ELMO1: variants seen among roughly 807,000 people sequenced by gnomAD.
ELMO1 encodes engulfment and cell motility 1.
In ELMO1, 26 loss-of-function variants were observed where a neutral mutation model predicts 98.9. The observed-to-expected ratio is 0.26, with a 90% confidence interval of 0.19 to 0.36. The LOEUF (loss-of-function observed/expected upper bound fraction) is 0.36, where lower values mean the gene tolerates loss of function less well. Among genes scored for constraint, ELMO1 ranks in the 10% least tolerant of loss-of-function variants. The pLI, the probability that ELMO1 is intolerant of heterozygous loss-of-function variation, is 1.00. For synonymous variants in ELMO1, 346 were observed against 346.0 expected, an observed-to-expected ratio of 1.00 and a Z score of 0.00; for missense variants, 627 against 935.2, an observed-to-expected ratio of 0.67 and a Z score of 4.30.
intron 14 of ELMO1, among the ~76,000 whole-genome samples, chr7:37,097,550 C>T (rs1784426124): frequency 6.6e-6 from 1 of 150,868 alleles, no homozygotes; most frequent in African/African-American, 2.4e-5. Flanking sequence ...TGCCACTGCA[C>T]TCCAGCCTGA....
At chr7:37,349,724 G>A (rs1198391154) in intron 1 of ELMO1, among the ~76,000 whole-genome samples, 1 of 152,170 alleles carries the variant, frequency 6.6e-6, no homozygotes. Context: ...CAAGTGCTGG[G>A]ATTATAGGCG....
intron 14 of ELMO1, among the ~76,000 whole-genome samples, chr7:37,129,252 A>G (rs1786738406): frequency 1.5e-5 from 2 of 133,304 alleles, no homozygotes; most frequent in African/African-American, 3.7e-5. Flanking sequence ...AGCACTCGGA[A>G]CTCTTTAGGA....
chr7:36,904,404 G>A (rs1562811844), intron 16 of ELMO1, among the ~76,000 whole-genome samples: 1 of 152,198 alleles, frequency 6.6e-6, no homozygotes. Flanking sequence ...GCGGTGCTCA[G>A]GCAGCTTCAA....
chr7:37,175,763 C>T (rs1187475674), intron 13 of ELMO1, among the ~76,000 whole-genome samples: 5 of 152,184 alleles, frequency 3.3e-5, no homozygotes, highest in African/African-American at 4.8e-5. Context: ...ACCAGAATCA[C>T]TTGAACCCAG....
chr7:37,250,659 G>A (rs1795293260), intron 6 of ELMO1, among the ~76,000 whole-genome samples: 1 of 152,028 alleles, frequency 6.6e-6, no homozygotes, highest in Non-Finnish European at 1.5e-5. Context: ...GGGTGTGGTG[G>A]CAGGTGCCTG....
chr7:37,131,149 T>A (rs1331794713), intron 14 of ELMO1, among the ~76,000 whole-genome samples: 1 of 152,134 alleles, frequency 6.6e-6, no homozygotes, highest in East Asian at 1.9e-4. Flanking sequence ...ACTAACCCCA[T>A]GCATTCACAT....
intron 1 of ELMO1, among the ~76,000 whole-genome samples, chr7:37,438,431 CAAAAAAAAA>C (rs543852959): frequency 8.2e-5 from 10 of 122,564 alleles, no homozygotes; most frequent in Non-Finnish European, 1.4e-4. Context: ...ACTAAAAATA[CAAAAAAAAA>C]AAAAAAAAAA....
intron 5 of ELMO1, among the ~76,000 whole-genome samples, chr7:37,267,279 G>A (rs1796313972): frequency 1.3e-5 from 2 of 152,052 alleles, no homozygotes; most frequent in East Asian, 3.9e-4. Context: ...CATACTTTAG[G>A]GATACCTCCT....
At chr7:37,347,872 G>A (rs1801084879) in intron 1 of ELMO1, among the ~76,000 whole-genome samples, 1 of 152,152 alleles carries the variant, frequency 6.6e-6, no homozygotes, top group Admixed American at 6.5e-5. Flanking sequence ...GGAAAGATCA[G>A]CACACAAGCC....
intron 16 of ELMO1, among the ~76,000 whole-genome samples, chr7:36,947,503 C>T (rs1214455470): frequency 6.6e-6 from 1 of 152,150 alleles, no homozygotes; most frequent in Non-Finnish European, 1.5e-5. Context: ...ACCACATTCC[C>T]AATCTGGGCC....
At chr7:37,354,988 C>A (rs1337696909) in intron 1 of ELMO1, among the ~76,000 whole-genome samples, 1 of 152,242 alleles carries the variant, frequency 6.6e-6, no homozygotes, top group South Asian at 2.1e-4. Flanking sequence ...GGCTGTGCCT[C>A]CACTGGGTTT....
chr7:37,041,680 G>C (rs960763652), intron 15 of ELMO1, among the ~76,000 whole-genome samples: 2 of 151,916 alleles, frequency 1.3e-5, no homozygotes, highest in African/African-American at 4.8e-5. Context: ...CTGAAATACT[G>C]GCAGAAGAAA....
At chr7:37,246,258 T>A (rs1165860610) in intron 6 of ELMO1, among the ~76,000 whole-genome samples, 1 of 152,140 alleles carries the variant, frequency 6.6e-6, no homozygotes, top group Non-Finnish European at 1.5e-5. Flanking sequence ...TATTAGAAAA[T>A]TTTCCTTTGG....
intron 1 of ELMO1, among the ~76,000 whole-genome samples, chr7:37,432,048 AT>A (rs1048163303): frequency 6.6e-6 from 1 of 151,980 alleles, no homozygotes; most frequent in Non-Finnish European, 1.5e-5. Flanking sequence ...CGCCTGGCTA[AT>A]TTTGTATTTT....
chr7:36,937,407 G>A (rs565675698), intron 16 of ELMO1, among the ~76,000 whole-genome samples: 1 of 152,324 alleles, frequency 6.6e-6, no homozygotes, highest in East Asian at 1.9e-4. Flanking sequence ...CCTGTGAAAG[G>A]CAAGGAGAGA....
chr7:36,922,176 T>C (rs989107910), intron 16 of ELMO1, among the ~76,000 whole-genome samples: 25 of 152,140 alleles, frequency 1.6e-4, no homozygotes, highest in African/African-American at 5.3e-4. Flanking sequence ...AGGAAGCGGA[T>C]TGAATGACGC....
intron 15 of ELMO1, among the ~76,000 whole-genome samples, chr7:37,019,764 A>AT (rs555203043): frequency 1.3e-5 from 2 of 152,208 alleles, no homozygotes; most frequent in Non-Finnish European, 2.9e-5. Context: ...TAATCACACT[A>AT]TTTTTAACAC....
intron 16 of ELMO1, among the ~76,000 whole-genome samples, chr7:36,962,763 A>G (rs1236365502): frequency 1.3e-5 from 2 of 152,168 alleles, no homozygotes; most frequent in Admixed American, 1.3e-4. Context: ...TTCTGCAAAA[A>G]GGAAAGCTTA....
intron 13 of ELMO1, among the ~76,000 whole-genome samples, chr7:37,175,584 G>T (rs1390762035): frequency 6.6e-6 from 1 of 152,174 alleles, no homozygotes; most frequent in Non-Finnish European, 1.5e-5. Flanking sequence ...TGTGGCTCAT[G>T]CCTGTAATCC....
Sources: gnomAD v4.1 joint callset for allele counts (sites outside exome capture counted in the v4.1 genomes callset) on GRCh38, gnomAD v4.1.1 for gene constraint, MANE v1.5 for transcripts, NCBI Gene and HGNC (gene_info 2026-07-23, HGNC 2026-07-21) for gene names.